Variants in SYNE2 observed in about 807,000 individuals in gnomAD.
SYNE2 encodes nesprin-2.
In SYNE2, 431 loss-of-function variants were observed where a neutral mutation model predicts 856.3. The observed-to-expected ratio is 0.50, with a 90% CI of 0.47 to 0.55. SYNE2 has a LOEUF of 0.55. Ranked by LOEUF, SYNE2 falls within the 20% of genes least tolerant of loss-of-function variation. SYNE2 has a pLI of 0.00. For missense variants in SYNE2, 8,129 were observed against 8,023.2 expected, an observed-to-expected ratio of 1.01 and a Z score of -0.50; for synonymous variants, 2,923 against 2,872.3, an observed-to-expected ratio of 1.02 and a Z score of -0.56.
At position 64,017,687 on chromosome 14, in the gene SYNE2, G is replaced by T; in HGVS notation, c.4980G>T (p.Glu1660Asp). 6.2e-7 allele frequency: 1 copy of T among 1,613,692 alleles called. No homozygotes were observed. The highest frequency in any genetic ancestry group is 1.1e-5 in the South Asian group (1 of 91,072). ...TTAACTTAAAAAATGTCATTGATGA[G>T]TGGACAGAAAAGGCCCTTCAAAAAA... ...KLFNLKNVID[E>D]WTEKALQKME... The change falls in exon 34 of 116, where the codon GAG (glutamate) becomes GAT (aspartate). Residue 1660 changes from glutamate to aspartate, a missense_variant. This residue lies in a region of SYNE2 where 2,422 missense variants were observed against 2,357.4 expected (regional missense o/e 1.03). Coordinates refer to ENST00000555002, the MANE Select transcript of SYNE2 (RefSeq NM_182914.3).
At position 64,158,775 on chromosome 14, in the gene SYNE2, T is replaced by G; in HGVS notation, c.15943T>G (p.Cys5315Gly). Reference protein sequence around the residue: ...PVVLSLETLRCQVENLQSLQD... With the variant: ...PVVLSLETLRGQVENLQSLQD... The stretch of plus-strand genomic sequence containing the variant: ...GGTGTTATCATTGGAGACCTTGAGA[T>G]GCCAGGTGGAGAACCTTCAGGTAAA... Residue 5315 changes from cysteine (C) to glycine (G), a missense_variant, in exon 86 of 116, where the codon TGC becomes GGC. This residue lies in a region of SYNE2 where 5,410 missense variants were observed against 5,284.8 expected (regional missense o/e 1.02). Coordinates refer to ENST00000555002, the MANE Select transcript of SYNE2 (RefSeq NM_182914.3). The G allele has an allele frequency of 1.2e-6, 2 of 1,613,958 alleles. No individual in the cohort carries two copies. Among genetic ancestry groups the G allele is most frequent in the African/African-American group, 1.3e-5 (1 of 75,046 alleles).
intron 105 of SYNE2, 25 bp from the exon 106 acceptor site, chr14:64,214,169 C>G: frequency 6.2e-7 from 1 of 1,614,186 alleles, no homozygotes. Flanking sequence ...TTGATTAATT[C>G]TAACAACTGG....
intron 79 of SYNE2, among the ~76,000 whole-genome samples, chr14:64,138,210 C>A (rs545725497): frequency 6.6e-6 from 1 of 151,718 alleles, no homozygotes; most frequent in Non-Finnish European, 1.5e-5. Flanking sequence ...TTTTTCTTTT[C>A]TTTTCTTTTC....
chr14:63,879,598 G>A (rs2094811492), intron 1 of SYNE2, among the ~76,000 whole-genome samples: 1 of 152,220 alleles, frequency 6.6e-6, no homozygotes, highest in Admixed American at 6.5e-5. Flanking sequence ...TGCACAGATA[G>A]GAAAGAGAGA....
intron 113 of SYNE2, 148 bp downstream of exon 113, chr14:64,223,528 G>A (rs1048806211): frequency 9.0e-6 from 7 of 780,276 alleles, no homozygotes; most frequent in African/African-American, 1.7e-5. Flanking sequence ...TTTTCTAGCT[G>A]TGTGGACTTA....
rs2096643155 is a variant in SYNE2 at position 63,988,565 on chromosome 14, A to G, written c.2314-1846A>G. On this transcript the variant is annotated intron_variant, in intron 19 of 115. Transcript: ENST00000555002. The stretch of plus-strand genomic sequence containing the variant: ...CAAGACAAATAAGATCAACATTTAC[A>G]TAGTTGATATCACATACTATAACTT... Among the ~76,000 whole-genome samples, 3 of 152,364 alleles carry G rather than the reference A, an allele frequency of 2.0e-5. 1 individual carries two copies. In the South Asian group the frequency reaches 6.2e-4, roughly 32 times the overall value.
At chr14:64,021,828 TA>T (rs1268719139) in intron 36 of SYNE2, 28 bp from the exon 37 acceptor site, 1 of 1,612,096 alleles carries the variant, frequency 6.2e-7, no homozygotes, top group Non-Finnish European at 8.5e-7. Context: ...TTTTAAGATT[TA>T]ATGGTTGTTG....
At chr14:64,162,024 A>C in intron 87 of SYNE2, 48 bp from the exon 88 acceptor site, 2 of 1,599,710 alleles carry the variant, frequency 1.3e-6, no homozygotes, top group Non-Finnish European at 8.6e-7. Flanking sequence ...CTTTCGCTAC[A>C]AGAGAAAGGA....
At chr14:63,927,060 T>A (rs1049016769) in intron 2 of SYNE2, among the ~76,000 whole-genome samples, 1 of 152,202 alleles carries the variant, frequency 6.6e-6, no homozygotes, top group Admixed American at 6.5e-5. Context: ...GAGAGTAAGA[T>A]GCCTGAGGCT....
At chr14:63,840,899 A>T (rs1390310227) in intron 1 of SYNE2, among the ~76,000 whole-genome samples, 4 of 152,112 alleles carry the variant, frequency 2.6e-5, no homozygotes, top group Non-Finnish European at 4.4e-5. Flanking sequence ...CTGTAATCCC[A>T]GCTACTCAGG....
intron 33 of SYNE2, 52 bp downstream of exon 33, chr14:64,016,683 G>T (rs759049439): frequency 2.4e-6 from 3 of 1,242,526 alleles, no homozygotes; most frequent in Non-Finnish European, 2.3e-6. Flanking sequence ...CAATATTTTG[G>T]TGTATCTTTA....
intron 1 of SYNE2, among the ~76,000 whole-genome samples, chr14:63,882,630 T>G (rs1595410650): frequency 6.6e-6 from 1 of 151,066 alleles, no homozygotes; most frequent in Non-Finnish European, 1.5e-5. Flanking sequence ...GAGGCTGAGG[T>G]GGGAGGATTG....
Position 64,225,521 on chromosome 14 carries a change from A to T in SYNE2, c.20719A>T (p.Thr6907Ser). ...GAGGTACACCAATGGGCCACCCCCCACATAGAGGGCATAGCTGGCCACAGT... is the reference window on the plus strand; with the variant it reads ...GAGGTACACCAATGGGCCACCCCCCTCATAGAGGGCATAGCTGGCCACAGT... ...MLRYTNGPPP[T>S] Residue 6907 changes from threonine (T) to serine (S), a missense_variant, in exon 116 of 116, where the codon ACA becomes TCA. Coordinates refer to ENST00000555002, the MANE Select transcript of SYNE2 (RefSeq NM_182914.3). 1 of 1,613,940 alleles carries T rather than the reference A, an allele frequency of 6.2e-7. No homozygotes were observed. Among genetic ancestry groups the T allele is most frequent in the African/African-American group, 1.3e-5 (1 of 75,040 alleles).
chr14:63,922,920 C>T (rs1018487781), intron 2 of SYNE2, among the ~76,000 whole-genome samples: 1 of 152,200 alleles, frequency 6.6e-6, no homozygotes, highest in Non-Finnish European at 1.5e-5. Context: ...CACAGCACAG[C>T]TCTGTTTAGT....
rs978220037 is a variant in SYNE2, at chr14:63,937,300, G to A, written c.80-3314G>A. Among the ~76,000 whole-genome samples the A allele has an allele frequency of 2.7e-4, 41 of 152,308 alleles. No individual in the cohort carries two copies. The East Asian group carries it at 3.5e-3, about 13-fold the overall frequency. ...AAGCGATGGCTGGTTGGGAACTGGCGTCAAGAGGTTTGTTTTTGGATGGGA... is the reference window on the plus strand; with the variant it reads ...AAGCGATGGCTGGTTGGGAACTGGCATCAAGAGGTTTGTTTTTGGATGGGA... On this transcript the variant is annotated intron_variant, in intron 2 of 115. Transcript: ENST00000555002.
chr14:63,927,169 A>T (rs2095679166), intron 2 of SYNE2, among the ~76,000 whole-genome samples: 1 of 152,338 alleles, frequency 6.6e-6, no homozygotes, highest in African/African-American at 2.4e-5. Context: ...CAATCGAGTA[A>T]TTCGGGTAAG....
chr14:64,216,469 A>G (rs1282553999), intron 108 of SYNE2, 82 bp downstream of exon 108: 2 of 1,465,860 alleles, frequency 1.4e-6, no homozygotes, highest in Admixed American at 1.7e-5. Context: ...TTTGGTGTAA[A>G]CTGCGTGTAT....
intron 51 of SYNE2, among the ~76,000 whole-genome samples, chr14:64,067,302 A>T (rs2097365331): frequency 6.6e-6 from 1 of 152,244 alleles, no homozygotes; most frequent in Non-Finnish European, 1.5e-5. Context: ...GAATTCTGTG[A>T]GGATATTTTT....
At position 63,787,977 on chromosome 14, in the gene SYNE2, G is replaced by A. The variant is rs371004910; in HGVS notation, c.-305+25991G>A. 7.5e-4 allele frequency among the ~76,000 whole-genome samples: 114 copies of A among 152,304 alleles called. 2 individuals are homozygous for A. In the East Asian group the frequency reaches 0.017, roughly 22 times the overall value. On this transcript the variant is annotated intron_variant, in intron 1 of 23. Transcript: ENST00000674003. Reference sequence around the variant, plus strand: ...GGCTTCTGCAGGCCAGTGCCAAGCCGCCCTCAGCCCCCACTTGGCTTCCAC... The same window carrying A: ...GGCTTCTGCAGGCCAGTGCCAAGCCACCCTCAGCCCCCACTTGGCTTCCAC...
Sources: allele counts gnomAD v4.1 joint callset (sites outside exome capture counted in the v4.1 genomes callset), GRCh38; gene constraint gnomAD v4.1.1; regional missense constraint gnomAD v4.1.1; transcripts MANE v1.5; gene names NCBI Gene and HGNC (gene_info 2026-07-23, HGNC 2026-07-21).